Variants in PRKN observed in about 807,000 individuals in gnomAD.
PRKN encodes E3 ubiquitin-protein ligase parkin.
A neutral mutation model predicts 59.5 loss-of-function variants in PRKN; 56 were observed. The observed-to-expected ratio is 0.94, with a 90% confidence interval of 0.76 to 1.18. The LOEUF (loss-of-function observed/expected upper bound fraction) is 1.18, where lower values mean the gene tolerates loss of function less well. Ranked by LOEUF, PRKN falls within the 50% of genes most tolerant of loss-of-function variation. The pLI is 0.00. For synonymous variants in PRKN, 250 were observed against 222.1 expected (o/e 1.13, Z -1.12); for missense variants, 657 against 596.4 (o/e 1.10, Z -1.06).
At chr6:161,564,542 T>C (rs1001933306) in intron 8 of PRKN, among the ~76,000 whole-genome samples, 6 of 152,334 alleles carry the variant, frequency 3.9e-5, no homozygotes, top group Admixed American at 1.3e-4. Context: ...CTGAGGACAC[T>C]ACTTCGCCTG....
intron 7 of PRKN, among the ~76,000 whole-genome samples, chr6:161,672,461 C>G (rs1250390569): frequency 1.3e-5 from 2 of 152,134 alleles, no homozygotes; most frequent in Non-Finnish European, 2.9e-5. Flanking sequence ...TTAAAGATAT[C>G]CCAGCATATT....
chr6:161,648,325 T>G (rs1202853166), intron 7 of PRKN, among the ~76,000 whole-genome samples: 2 of 151,840 alleles, frequency 1.3e-5, no homozygotes, highest in Non-Finnish European at 2.9e-5. Context: ...ATAAGGGAGG[T>G]CTTACTGAGT....
chr6:162,053,517 T>G (rs1444663009), intron 5 of PRKN, among the ~76,000 whole-genome samples: 2 of 152,154 alleles, frequency 1.3e-5, no homozygotes, highest in Non-Finnish European at 2.9e-5. Context: ...AGGAAATATC[T>G]GCGGTCTATG....
At chr6:162,334,183 T>G (rs1245654771) in intron 2 of PRKN, among the ~76,000 whole-genome samples, 1 of 152,220 alleles carries the variant, frequency 6.6e-6, no homozygotes, top group East Asian at 1.9e-4. Context: ...AATGCTGCTG[T>G]AGAAGCTGCA....
At chr6:162,160,888 C>T (rs1782721244) in intron 4 of PRKN, among the ~76,000 whole-genome samples, 1 of 52,388 alleles carries the variant, frequency 1.9e-5, no homozygotes, top group East Asian at 3.3e-4. Flanking sequence ...GAGACTCCGT[C>T]TCAAAAAAAA....
chr6:161,423,152 CA>C lies in PRKN; in HGVS notation c.1084-36276del, dbSNP rs1364292831. 6.6e-6 allele frequency among the ~76,000 whole-genome samples: 1 copy of C among 152,172 alleles called. No homozygotes were observed. The highest frequency in any genetic ancestry group is 1.9e-4 in the East Asian group (1 of 5,206). Reference sequence around the variant, plus strand: ...GACAGCTGCACTGGGTGTGAGATATCAGCATCTTTAATGTATGCCAGCCTTG... The same window carrying C: ...GACAGCTGCACTGGGTGTGAGATATCGCATCTTTAATGTATGCCAGCCTTG... On this transcript the variant is annotated intron_variant, in intron 9 of 11. Transcript: ENST00000366898. This position sits in a 1 kb window ranked among gnomAD's most constrained non-coding sequence, Gnocchi z 5.9.
intron 2 of PRKN, among the ~76,000 whole-genome samples, chr6:162,438,919 C>G (rs80330859): frequency 0.074 from 11,323 of 152,230 alleles, 559 homozygotes; most frequent in Middle Eastern, 0.11. Context: ...CTGACACAAA[C>G]TTTAAATGCT....
chr6:162,235,942 G>GACGA, intron 3 of PRKN, among the ~76,000 whole-genome samples: 1 of 94,416 alleles, frequency 1.1e-5, no homozygotes, highest in East Asian at 2.6e-4. Context: ...AGGAAGGAAG[G>GACGA]AAGGAAGGAA....
chr6:162,134,077 A>G (rs1781478404), intron 4 of PRKN, among the ~76,000 whole-genome samples: 2 of 152,142 alleles, frequency 1.3e-5, no homozygotes, highest in Admixed American at 1.3e-4. Context: ...ACGTCCTCTT[A>G]TTAAATATTT....
chr6:161,740,169 C>G (rs910746674), intron 7 of PRKN, among the ~76,000 whole-genome samples: 1 of 152,182 alleles, frequency 6.6e-6, no homozygotes, highest in Non-Finnish European at 1.5e-5. Context: ...AATTGTGCAG[C>G]CTTTTCAAAG....
chr6:162,372,395 G>A (rs1163989827), intron 2 of PRKN, among the ~76,000 whole-genome samples: 1 of 152,064 alleles, frequency 6.6e-6, no homozygotes, highest in African/African-American at 2.4e-5. Flanking sequence ...TCCATTCACG[G>A]CGCTGAGTTT....
chr6:162,701,234 C>CA lies in PRKN; in HGVS notation c.7+26427dup, dbSNP rs747407462. Among the ~76,000 whole-genome samples, 117 of 152,044 alleles carry CA rather than the reference C, an allele frequency of 7.7e-4. No individual in the cohort carries two copies. The Middle Eastern group carries it at 0.01, about 13-fold the overall frequency. ...TGATTATAATTGTAATGAACAACAACAAAAAAGCAGCTGTTGCTTCGGACT... is the reference window on the plus strand; with the variant it reads ...TGATTATAATTGTAATGAACAACAACAAAAAAAGCAGCTGTTGCTTCGGACT... On this transcript the variant is annotated intron_variant, in intron 1 of 11. Coordinates refer to ENST00000366898, the MANE Select transcript of PRKN (RefSeq NM_004562.3).
chr6:161,532,495 A>G lies in PRKN; in HGVS notation c.1083+16359T>C, dbSNP rs150933810. Among the ~76,000 whole-genome samples, 1,133 of 148,376 alleles carry G rather than the reference A, an allele frequency of 7.6e-3. 11 individuals carry two copies. The highest frequency in any genetic ancestry group is 0.021 in the African/African-American group (867 of 40,612). On this transcript the variant is annotated intron_variant, in intron 9 of 11. Coordinates refer to ENST00000366898, the MANE Select transcript of PRKN (RefSeq NM_004562.3). ...TACTCAGGAGTTTACTCCATACTCT[A>G]TCTCTTCCAGAGTAGGCTGTGATTC... is the stretch of plus-strand genomic sequence containing the variant.
At chr6:161,802,448 C>A (rs547665569) in intron 6 of PRKN, among the ~76,000 whole-genome samples, 1 of 151,612 alleles carries the variant, frequency 6.6e-6, no homozygotes, top group South Asian at 2.1e-4. Flanking sequence ...GCCCCACACA[C>A]ACACCCCACA....
chr6:162,573,994 G>A (rs1411100994), intron 1 of PRKN, among the ~76,000 whole-genome samples: 2 of 152,154 alleles, frequency 1.3e-5, no homozygotes, highest in Non-Finnish European at 1.5e-5. Flanking sequence ...TTTAAAAAGG[G>A]AGAACTTGAT....
chr6:161,518,138 G>C lies in PRKN; in HGVS notation c.1083+30716C>G, dbSNP rs563596363. Among the ~76,000 whole-genome samples the C allele has an allele frequency of 6.6e-6, 1 of 152,138 alleles. No individual in the cohort carries two copies. The highest frequency in any genetic ancestry group is 1.5e-5 in the Non-Finnish European group (1 of 68,024). On this transcript the variant is annotated intron_variant, in intron 9 of 11. Coordinates refer to ENST00000366898, the MANE Select transcript of PRKN (RefSeq NM_004562.3). The surrounding 1 kb of genome is among the most constrained non-coding windows in gnomAD (Gnocchi z 5.0). ...AGGCCACTGGCCTGGGGATGGGGCC[G>C]GGGGCACTCACTGCCTCCCTCACTG...
chr6:161,548,549 T>G lies in PRKN; in HGVS notation c.1083+305A>C, dbSNP rs1235546770. The stretch of plus-strand genomic sequence containing the variant: ...AGAAAGAATAAATTTTTGCTCTGCA[T>G]CAGCTGAGTGCTGGGAGAAAAGTTT... On this transcript the variant is annotated intron_variant, in intron 9 of 11. Transcript: ENST00000366898. This position sits in a 1 kb window ranked among gnomAD's most constrained non-coding sequence, Gnocchi z 4.2. 1.3e-5 allele frequency among the ~76,000 whole-genome samples: 2 copies of G among 152,198 alleles called. No homozygotes were observed. Among genetic ancestry groups the G allele is most frequent in the African/African-American group, 2.4e-5 (1 of 41,448 alleles).
chr6:161,816,830 G>A (rs1436748717), intron 6 of PRKN, among the ~76,000 whole-genome samples: 2 of 152,122 alleles, frequency 1.3e-5, no homozygotes. Context: ...TTGAAAGCAT[G>A]CCCTGTTTCA....
chr6:161,617,195 C>T (rs144039091), intron 7 of PRKN, among the ~76,000 whole-genome samples: 2,281 of 152,228 alleles, frequency 0.015, 58 homozygotes, highest in African/African-American at 0.05. Flanking sequence ...TTGTTGGCCG[C>T]GTAAATGTCT....
Sources: allele counts gnomAD v4.1 joint callset (sites outside exome capture counted in the v4.1 genomes callset), GRCh38; gene constraint gnomAD v4.1.1; non-coding constraint Gnocchi (gnomAD v3.1); transcripts MANE v1.5; gene names NCBI Gene and HGNC (gene_info 2026-07-23, HGNC 2026-07-21).